UNC13C: variants seen among roughly 807,000 people sequenced by gnomAD.
UNC13C encodes protein unc-13 homolog C.
In UNC13C, 174 loss-of-function variants were observed where a neutral mutation model predicts 245.4. That is an observed-to-expected ratio of 0.71 (90% CI 0.63 to 0.80). The LOEUF is 0.80. Ranked by LOEUF, UNC13C falls within the 30% of genes least tolerant of loss-of-function variation. The pLI, the probability that UNC13C is intolerant of heterozygous loss-of-function variation, is 0.00. For synonymous variants in UNC13C, 992 were observed against 895.1 expected, an observed-to-expected ratio of 1.11 and a Z score of -1.93; for missense variants, 2,829 against 2,602.9, an observed-to-expected ratio of 1.09 and a Z score of -1.89.
At chr15:54,474,002 A>G (rs1345654251) in intron 19 of UNC13C, among the ~76,000 whole-genome samples, 1 of 151,972 alleles carries the variant, frequency 6.6e-6, no homozygotes, top group African/African-American at 2.4e-5. Context: ...TCTGCAAAAG[A>G]CATAATGTCA....
the UNC13C span, among the ~76,000 whole-genome samples, chr15:53,929,344 A>G: frequency 6.6e-6 from 1 of 152,170 alleles, no homozygotes; most frequent in Non-Finnish European, 1.5e-5. Context: ...TTGGGTGGGG[A>G]CACAGCCAAA....
chr15:53,935,204 C>T, the UNC13C span, among the ~76,000 whole-genome samples: 1 of 151,862 alleles, frequency 6.6e-6, no homozygotes, highest in Non-Finnish European at 1.5e-5. Context: ...GAGGAAGGGG[C>T]CACCCATTAT....
At chr15:54,300,081 A>C in intron 12 of UNC13C, 129 bp from the exon 13 acceptor site, 2 of 795,482 alleles carry the variant, frequency 2.5e-6, no homozygotes, top group Non-Finnish European at 3.9e-6. Flanking sequence ...AGATATTCCT[A>C]TTGCTTGCAG....
At chr15:54,431,266 C>A in intron 19 of UNC13C, among the ~76,000 whole-genome samples, 1 of 151,540 alleles carries the variant, frequency 6.6e-6, no homozygotes. Context: ...AATATTGTGT[C>A]GCCATATTGG....
chr15:54,076,648 T>C (rs1040189339), intron 2 of UNC13C, among the ~76,000 whole-genome samples: 1 of 152,126 alleles, frequency 6.6e-6, no homozygotes, highest in African/African-American at 2.4e-5. Context: ...TTAGTCTCTA[T>C]TACCACTTGA....
chr15:54,233,598 T>A (rs1456569454), intron 4 of UNC13C, among the ~76,000 whole-genome samples: 2 of 152,214 alleles, frequency 1.3e-5, no homozygotes, highest in South Asian at 2.1e-4. Flanking sequence ...CACATTTAGT[T>A]ACTTGTTAGT....
In UNC13C at chr15:54,013,186, C is replaced by A; in HGVS notation, c.283C>A (p.Arg95=). The A allele has an allele frequency of 6.2e-7, 1 of 1,613,754 alleles. No individual in the cohort carries two copies. The highest frequency in any genetic ancestry group is 8.5e-7 in the Non-Finnish European group (1 of 1,179,840). Residue 95 remains arginine (R), a synonymous_variant, in exon 2 of 33, where the codon CGA becomes AGA. Coordinates refer to ENST00000260323, the MANE Select transcript of UNC13C (RefSeq NM_001080534.3). ...EFSLSPTFSY[R]VAIANGLQKN... is the part of the protein sequence containing the mutation. ...TTCCCTCTCACCAACATTCAGTTAC[C>A]GAGTAGCTATTGCCAATGGCCTACA...
chr15:54,350,034 C>A (rs2038946020), intron 17 of UNC13C, among the ~76,000 whole-genome samples: 1 of 152,104 alleles, frequency 6.6e-6, no homozygotes, highest in Admixed American at 6.5e-5. Flanking sequence ...GTCGCCCAGG[C>A]TGGAGTGAGT....
chr15:54,498,310 G>A (rs1894045916), intron 20 of UNC13C, among the ~76,000 whole-genome samples: 1 of 151,990 alleles, frequency 6.6e-6, no homozygotes, highest in African/African-American at 2.4e-5. Flanking sequence ...ACTAATACAT[G>A]TTAAGGGGAG....
At chr15:54,040,510 AAC>A (rs1441364375) in intron 2 of UNC13C, among the ~76,000 whole-genome samples, 1 of 152,124 alleles carries the variant, frequency 6.6e-6, no homozygotes, top group Non-Finnish European at 1.5e-5. Flanking sequence ...ATGTTTGAGA[AAC>A]ACTCTCTAGG....
Position 54,013,882 on chromosome 15 carries a change from A to G in UNC13C, c.979A>G (p.Thr327Ala), listed in dbSNP as rs1457684156. ...GGCAAGCCTGAGATTTTTAAATGTG[A>G]CTGAAGAAAGATTTGAATATGTTGA... is the stretch of plus-strand genomic sequence containing the variant. Reference protein sequence around the residue: ...SKASLRFLNVTEERFEYVESV... With the variant: ...SKASLRFLNVAEERFEYVESV... Residue 327 changes from threonine to alanine, a missense_variant, in exon 2 of 33, where the codon ACT becomes GCT. Thr to Ala is a moderately conservative substitution (Grantham distance 58). Transcript: ENST00000260323. 2 of 1,613,258 alleles carry G rather than the reference A, an allele frequency of 1.2e-6. No individual in the cohort carries two copies. The highest frequency in any genetic ancestry group is 3.3e-5 in the Admixed American group (2 of 59,860).
intron 30 of UNC13C, among the ~76,000 whole-genome samples, chr15:54,585,525 A>T (rs1898443880): frequency 6.6e-6 from 1 of 152,238 alleles, no homozygotes; most frequent in East Asian, 1.9e-4. Flanking sequence ...TAGCAATCCA[A>T]AATGGACTAA....
chr15:53,937,443 C>G, the UNC13C span, among the ~76,000 whole-genome samples: 1 of 152,034 alleles, frequency 6.6e-6, no homozygotes, highest in African/African-American at 2.4e-5. Flanking sequence ...AGGACAGAAC[C>G]AAGTTACAAA....
intron 4 of UNC13C, among the ~76,000 whole-genome samples, chr15:54,150,108 A>G (rs1489631559): frequency 6.6e-6 from 1 of 152,136 alleles, no homozygotes; most frequent in East Asian, 1.9e-4. Context: ...TCTTTTTACT[A>G]TGGTAAAGTA....
chr15:54,454,285 A>G (rs992354091), intron 19 of UNC13C, among the ~76,000 whole-genome samples: 2 of 152,126 alleles, frequency 1.3e-5, no homozygotes, highest in Non-Finnish European at 2.9e-5. Flanking sequence ...CCAGTGAACA[A>G]TAACTCCCTG....
At chr15:54,088,039 A>G (rs1253877484) in intron 2 of UNC13C, among the ~76,000 whole-genome samples, 2 of 151,808 alleles carry the variant, frequency 1.3e-5, no homozygotes, top group Non-Finnish European at 2.9e-5. Context: ...ACACCTATAT[A>G]GCCTACAAAT....
At chr15:54,619,143 A>T (rs1245159607) in intron 30 of UNC13C, among the ~76,000 whole-genome samples, 1 of 152,168 alleles carries the variant, frequency 6.6e-6, no homozygotes, top group Non-Finnish European at 1.5e-5. Flanking sequence ...TAATCCTTTC[A>T]GCTTTTTATG....
intron 10 of UNC13C, among the ~76,000 whole-genome samples, chr15:54,287,768 G>A (rs1306520743): frequency 5.3e-5 from 8 of 152,036 alleles, no homozygotes; most frequent in East Asian, 1.9e-4. Context: ...AGGGAAGGAG[G>A]GGAGTGGTTT....
intron 4 of UNC13C, among the ~76,000 whole-genome samples, chr15:54,216,324 T>C (rs866724660): frequency 1.3e-5 from 2 of 152,138 alleles, no homozygotes; most frequent in South Asian, 4.1e-4. Flanking sequence ...GCTTCAATTC[T>C]ATAACTCAGA....
Sources: gnomAD v4.1 joint callset for allele counts (sites outside exome capture counted in the v4.1 genomes callset) on GRCh38, gnomAD v4.1.1 for gene constraint, MANE v1.5 for transcripts, NCBI Gene and HGNC (gene_info 2026-07-23, HGNC 2026-07-21) for gene names.